Variants in SMCHD1 observed in about 807,000 individuals in gnomAD.
SMCHD1 encodes the protein structural maintenance of chromosomes flexible hinge domain containing 1.
SMCHD1 carries 78 observed loss-of-function variants against 254.7 expected under a neutral mutation model. The observed-to-expected ratio is 0.31, with a 90% CI of 0.26 to 0.37. The LOEUF is 0.37. Ranked by LOEUF, SMCHD1 falls within the 10% of genes least tolerant of loss-of-function variation. SMCHD1 has a pLI of 1.00. For synonymous variants in SMCHD1, 766 were observed against 794.9 expected (o/e 0.96, Z 0.61); for missense variants, 1,840 against 2,408.1 (o/e 0.76, Z 4.94).
intron 29 of SMCHD1, among the ~76,000 whole-genome samples, chr18:2,744,358 C>A (rs947688205): frequency 6.6e-6 from 1 of 151,678 alleles, no homozygotes; most frequent in African/African-American, 2.4e-5. Flanking sequence ...GTAAATACTT[C>A]GGTATGCCTT....
At position 2,738,490 on chromosome 18, in the gene SMCHD1, T is replaced by C; in HGVS notation, c.3370T>C (p.Cys1124Arg). Residue 1124 changes from cysteine (C) to arginine (R), a missense_variant, in exon 26 of 48, where the codon TGC becomes CGC. Cys to Arg is a radical substitution (Grantham distance 180). This residue lies in a region of SMCHD1 where 881 missense variants were observed against 1,009.5 expected (regional missense o/e 0.87). Transcript: ENST00000320876. ...VPTSVKDMRY[C>R]QVSFQDDHVS... ...AACATCTGTAAAAGATATGCGCTAT[T>C]GCCAGGTTTCATTCCAAGATGATCA... is the stretch of plus-strand genomic sequence containing the variant. 1 of 1,613,022 alleles carries C rather than the reference T, an allele frequency of 6.2e-7. No individual in the cohort carries two copies. Among genetic ancestry groups the C allele is most frequent in the Non-Finnish European group, 8.5e-7 (1 of 1,179,506 alleles).
chr18:2,737,385 AAAAAT>A (rs140840250), intron 25 of SMCHD1, among the ~76,000 whole-genome samples: 2,849 of 152,306 alleles, frequency 0.019, 62 homozygotes, highest in African/African-American at 0.063. Context: ...AAAGTAGAGG[AAAAAT>A]AAAGTGTAAT....
intron 20 of SMCHD1, among the ~76,000 whole-genome samples, chr18:2,723,189 TG>T (rs2074960989): frequency 6.6e-6 from 1 of 152,358 alleles, no homozygotes; most frequent in Admixed American, 6.5e-5. Flanking sequence ...GAGTTCTTTC[TG>T]GTTCTCTGAA....
intron 8 of SMCHD1, among the ~76,000 whole-genome samples, chr18:2,696,486 A>G (rs556356084): frequency 6.6e-6 from 1 of 152,312 alleles, no homozygotes; most frequent in East Asian, 1.9e-4. Flanking sequence ...CTGAGGTGGA[A>G]CATTTTCATC....
intron 17 of SMCHD1, among the ~76,000 whole-genome samples, 179 bp downstream of exon 17, chr18:2,708,099 G>A (rs1421251337): frequency 6.6e-6 from 1 of 151,762 alleles, no homozygotes; most frequent in East Asian, 1.9e-4. Context: ...TTTTTCTAAG[G>A]TTTTTAAAAA....
chr18:2,739,391 A>G (rs752119042), intron 26 of SMCHD1, 41 bp from the exon 27 acceptor site: 2 of 1,434,082 alleles, frequency 1.4e-6, no homozygotes, highest in Non-Finnish European at 2.0e-6. Flanking sequence ...ACTTCAATTA[A>G]TGGTGTCACT....
rs910504670 is a variant in SMCHD1 at position 2,722,638 on chromosome 18, G to A, written c.2578G>A (p.Asp860Asn). 1 of 1,611,482 alleles carries A rather than the reference G, an allele frequency of 6.2e-7. No homozygotes were observed. The highest frequency in any genetic ancestry group is 1.3e-5 in the African/African-American group (1 of 74,828). Residue 860 changes from aspartate to asparagine, a missense_variant, in exon 20 of 48, where the codon GAT (aspartate) becomes AAT (asparagine). Coordinates refer to ENST00000320876, the MANE Select transcript of SMCHD1 (RefSeq NM_015295.3). ...TGGTCATACCAGTCAACTAGTAACT[G>A]ATATTCAGCCAGTTCTTGAAGCAAG... ...EFGHTSQLVT[D>N]IQPVLEASGL...
intron 1 of SMCHD1, among the ~76,000 whole-genome samples, chr18:2,661,570 C>CTA (rs1555623850): frequency 6.8e-6 from 1 of 147,294 alleles, no homozygotes; most frequent in African/African-American, 2.7e-5. Context: ...GATTAAACAT[C>CTA]TGGGTTTTTA....
At chr18:2,750,596 C>T (rs972001318) in intron 32 of SMCHD1, 89 bp downstream of exon 32, 1 of 1,123,062 alleles carries the variant, frequency 8.9e-7, no homozygotes, top group Admixed American at 2.6e-5. Context: ...GTTAAGTGTG[C>T]TCAGTCTAAT....
chr18:2,751,133 A>G (rs2075562937), intron 32 of SMCHD1, 145 bp from the exon 33 acceptor site: 1 of 552,158 alleles, frequency 1.8e-6, no homozygotes, highest in Non-Finnish European at 3.1e-6. Flanking sequence ...GAATTTATAC[A>G]TTTCTTCATC....
chr18:2,715,571 A>C (rs2074778511), intron 17 of SMCHD1, among the ~76,000 whole-genome samples: 1 of 152,138 alleles, frequency 6.6e-6, no homozygotes, highest in Non-Finnish European at 1.5e-5. Flanking sequence ...TTTAAAAATC[A>C]GTATTTTAGC....
chr18:2,721,351 T>C (rs1180315071), intron 19 of SMCHD1, among the ~76,000 whole-genome samples: 3 of 152,174 alleles, frequency 2.0e-5, no homozygotes, highest in Non-Finnish European at 1.5e-5. Context: ...AGCTGTGATA[T>C]CAAGAAGGCC....
At chr18:2,773,141 G>A (rs1235002622) in intron 41 of SMCHD1, among the ~76,000 whole-genome samples, 1 of 152,140 alleles carries the variant, frequency 6.6e-6, no homozygotes, top group Non-Finnish European at 1.5e-5. Flanking sequence ...GTAGCAATGT[G>A]TATGACCAAA....
At chr18:2,670,638 C>T (rs943246344) in intron 3 of SMCHD1, among the ~76,000 whole-genome samples, 5 of 152,216 alleles carry the variant, frequency 3.3e-5, no homozygotes, top group Non-Finnish European at 2.9e-5. Context: ...GCTGGGCTCA[C>T]GCCTGTAATC....
chr18:2,738,647 A>G, intron 26 of SMCHD1, 102 bp downstream of exon 26: 1 of 975,656 alleles, frequency 1.0e-6, no homozygotes, highest in Non-Finnish European at 1.4e-6. Context: ...TACGGTTTCT[A>G]TGAAATATAA....
Position 2,708,888 on chromosome 18 carries a change from ATATATATATATATATATAT to A in SMCHD1, c.2260+969_2260+987del, listed in dbSNP as rs1225460808. On this transcript the variant is annotated intron_variant, in intron 17 of 47. Coordinates refer to ENST00000320876, the MANE Select transcript of SMCHD1 (RefSeq NM_015295.3). ...ACTTCATATATATATATATATATATATATATATATATATATATATAACATATTAACATGAAATTTATGAA... is the reference window on the plus strand; with the variant it reads ...ACTTCATATATATATATATATATATAAACATATTAACATGAAATTTATGAA... 8.8e-4 allele frequency among the ~76,000 whole-genome samples: 65 copies of A among 74,022 alleles called. 3 individuals are homozygous for A. The highest frequency in any genetic ancestry group is 1.2e-3 in the African/African-American group (18 of 15,252). The allele number at this position is 74,022 out of a possible 152,430, so 48.6% of individuals were successfully genotyped here. A position where few individuals can be genotyped will look rare whatever the true frequency, so the allele number is the denominator to read the frequency against.
chr18:2,698,568 G>C (rs978918217), intron 10 of SMCHD1, among the ~76,000 whole-genome samples: 4 of 151,980 alleles, frequency 2.6e-5, no homozygotes, highest in African/African-American at 4.8e-5. Context: ...GGGTCTTGCC[G>C]TGTTGCCCAG....
chr18:2,661,335 T>TA (rs34594870), intron 1 of SMCHD1, among the ~76,000 whole-genome samples: 6,059 of 144,326 alleles, frequency 0.042, 267 homozygotes, highest in African/African-American at 0.11. Flanking sequence ...TCCAGGAACT[T>TA]AAAAAAAAAA....
rs899518586 is a variant in SMCHD1 at position 2,732,189 on chromosome 18, T to C, written c.3049-76T>C. On this transcript the variant is annotated intron_variant, in intron 24 of 47. Coordinates refer to ENST00000320876, the MANE Select transcript of SMCHD1 (RefSeq NM_015295.3). ...ATGTATGAGATGGTCTTCCATAATA[T>C]TGAAAGTAAATTCTTCAGGAGTGTA... 3 of 1,099,798 alleles carry C rather than the reference T, an allele frequency of 2.7e-6. 1 individual carries two copies. Among genetic ancestry groups the C allele is most frequent in the Middle Eastern group, 5.5e-4 (2 of 3,622 alleles). 68.1% of individuals were successfully genotyped at this position (1,099,798 alleles called of 1,614,324 possible). A position where few individuals can be genotyped will look rare whatever the true frequency, so the allele number is the denominator to read the frequency against.
Sources: gnomAD v4.1 joint callset for allele counts (sites outside exome capture counted in the v4.1 genomes callset) on GRCh38, gnomAD v4.1.1 for gene constraint, gnomAD v4.1.1 regional missense constraint, MANE v1.5 for transcripts, NCBI Gene and HGNC (gene_info 2026-07-23, HGNC 2026-07-21) for gene names.